UBR4: variants seen among roughly 807,000 people sequenced by gnomAD.
UBR4 encodes ubiquitin protein ligase E3 component n-recognin 4.
A neutral mutation model predicts 575.6 loss-of-function variants in UBR4; 124 were observed. The ratio of observed to expected loss-of-function variants is 0.22; its 90% confidence interval spans 0.19 to 0.25. UBR4 has a LOEUF of 0.25. UBR4 is among the 10% of genes least tolerant of loss of function. The pLI is 1.00. For missense variants in UBR4, 4,818 were observed against 6,478.8 expected, an observed-to-expected ratio of 0.74 and a Z score of 8.80; for synonymous variants, 2,455 against 2,473.7, an observed-to-expected ratio of 0.99 and a Z score of 0.22.
chr1:19,207,181 T>C (rs570188847), intron 1 of UBR4, among the ~76,000 whole-genome samples: 2 of 152,140 alleles, frequency 1.3e-5, no homozygotes, highest in Non-Finnish European at 2.9e-5. Flanking sequence ...AACACAGAAC[T>C]AAAGTGGCAG....
At chr1:19,097,746 ACAAGGCCATTTAAAT>A (rs2078201817) in intron 90 of UBR4, among the ~76,000 whole-genome samples, 1 of 152,312 alleles carries the variant, frequency 6.6e-6, no homozygotes, top group East Asian at 1.9e-4. Flanking sequence ...CCCAGGACAA[ACAAGGCCATTTAAAT>A]CAAAGAGCTT....
chr1:19,187,111 A>C (rs991836327), intron 13 of UBR4, 53 bp downstream of exon 13: 78 of 1,330,058 alleles, frequency 5.9e-5, no homozygotes, highest in Non-Finnish European at 7.8e-5. Flanking sequence ...TATATATCAT[A>C]TATATAAAAT....
intron 60 of UBR4, among the ~76,000 whole-genome samples, chr1:19,136,738 A>T (rs1371083655): frequency 2.6e-5 from 4 of 152,214 alleles, no homozygotes; most frequent in African/African-American, 7.2e-5. Flanking sequence ...TAAATTTTTT[A>T]AAAAATCATA....
At chr1:19,151,124 A>T (rs2085634034) in intron 48 of UBR4, 1 of 388,174 alleles carries the variant, frequency 2.6e-6, no homozygotes, top group African/African-American at 2.0e-5. Flanking sequence ...CAAAGTACAG[A>T]TCATGATCAT....
intron 71 of UBR4, 92 bp downstream of exon 71, chr1:19,118,780 G>C: frequency 7.5e-7 from 1 of 1,328,024 alleles, no homozygotes; most frequent in Non-Finnish European, 1.1e-6. Context: ...TCAGGCGCTT[G>C]TCAATTCCTA....
Position 19,141,703 on chromosome 1 carries a change from T to C in UBR4, c.8254A>G (p.Ile2752Val), listed in dbSNP as rs1055550391. 1 of 1,614,134 alleles carries C rather than the reference T, an allele frequency of 6.2e-7. No homozygotes were observed. Among genetic ancestry groups the C allele is most frequent in the African/African-American group, 1.3e-5 (1 of 74,952 alleles). ...CTCTGTTCCTGGCTTTCCTGACGGATGTGACCACCATTCGGGATCCCTGAT... is the reference window on the plus strand; with the variant it reads ...CTCTGTTCCTGGCTTTCCTGACGGACGTGACCACCATTCGGGATCCCTGAT... ...QSSGIPNGGH[I>V]RQESQEQSEV... Residue 2752 changes from isoleucine (I) to valine (V), a missense_variant, in exon 56 of 106, where the codon ATC becomes GTC. Physicochemically the swap from Ile to Val is conservative, Grantham distance 29. Transcript: ENST00000375254.
At position 19,093,572 on chromosome 1, in the gene UBR4, C is replaced by A; in HGVS notation, c.13938-86G>T. The A allele has an allele frequency of 1.4e-6, 2 of 1,425,906 alleles. No homozygotes were observed. The highest frequency in any genetic ancestry group is 2.0e-5 in the Admixed American group (1 of 50,856). 88.3% of individuals were successfully genotyped at this position (1,425,906 alleles called of 1,614,324 possible). On this transcript the variant is annotated intron_variant, in intron 95 of 105. Transcript: ENST00000375254. This position sits in a 1 kb window ranked among gnomAD's most constrained non-coding sequence, Gnocchi z 4.8. The stretch of plus-strand genomic sequence containing the variant: ...CCTCTTGGTTAACAACTGTCAACAG[C>A]CTATAGAAGATCAAGGCTAAATTCC...
chr1:19,179,177 C>T lies in UBR4; in HGVS notation c.2228G>A (p.Gly743Asp). Residue 743 changes from glycine (G) to aspartate (D), a missense_variant, in exon 18 of 106, where the codon GGC becomes GAC. Physicochemically the swap from Gly to Asp is moderately conservative, Grantham distance 94 (BLOSUM62 -1). Coordinates refer to ENST00000375254, the MANE Select transcript of UBR4 (RefSeq NM_020765.3). The part of the protein sequence containing the change: ...QQLGVAPFSE[G>D]PWPLYIHPQS... ...AGGGTGAATGTACAAGGGCCAAGGG[C>T]CCTCAGAAAAAGGAGCCACTCCTAG... The T allele has an allele frequency of 6.3e-7, 1 of 1,591,556 alleles. No individual in the cohort carries two copies. The highest frequency in any genetic ancestry group is 8.5e-7 in the Non-Finnish European group (1 of 1,174,392).
In UBR4 at chr1:19,074,905, C is replaced by T. The variant is rs752795933; in HGVS notation, c.15488-9G>A. The T allele has an allele frequency of 1.7e-5, 27 of 1,613,736 alleles. No individual in the cohort carries two copies. The highest frequency in any genetic ancestry group is 2.2e-5 in the Non-Finnish European group (26 of 1,179,944). On this transcript the variant is annotated splice_polypyrimidine_tract_variant and intron_variant, in intron 105 of 105. Transcript: ENST00000375254. Reference sequence around the variant, plus strand: ...GATTTCTGATAAAAGACCTGCAAAGCACAACGGGCAGAGGTGTGTCAGGAG... The same window carrying T: ...GATTTCTGATAAAAGACCTGCAAAGTACAACGGGCAGAGGTGTGTCAGGAG...
intron 102 of UBR4, among the ~76,000 whole-genome samples, chr1:19,083,992 T>C (rs1047762296): frequency 1.3e-5 from 2 of 152,206 alleles, no homozygotes; most frequent in Non-Finnish European, 2.9e-5. Context: ...CATTACCCAC[T>C]GTAGAGAAAA....
At chr1:19,147,771 T>C (rs898977290) in intron 51 of UBR4, among the ~76,000 whole-genome samples, 5 of 152,076 alleles carry the variant, frequency 3.3e-5, no homozygotes, top group Non-Finnish European at 1.5e-5. Flanking sequence ...CCTGTTAGAG[T>C]GACAGAAAAA....
Position 19,198,545 on chromosome 1 carries a change from G to A in UBR4, c.644C>T (p.Thr215Ile). The change falls in exon 5 of 106, where the codon ACT (threonine) becomes ATT (isoleucine). Residue 215 changes from threonine to isoleucine, a missense_variant. Physicochemically the swap from Thr to Ile is moderately conservative, Grantham distance 89. Coordinates refer to ENST00000375254, the MANE Select transcript of UBR4 (RefSeq NM_020765.3). ...TVASQPISTQ[T>I]LVEGENDEQS... ...CATTTGACTAAAGAAACTCACCAGA[G>A]TCTGTGTACTGATAGGTTGTGATGC... 1 of 1,613,724 alleles carries A rather than the reference G, an allele frequency of 6.2e-7. No homozygotes were observed. The highest frequency in any genetic ancestry group is 8.5e-7 in the Non-Finnish European group (1 of 1,179,784).
At chr1:19,146,087 A>G (rs1189159380) in intron 52 of UBR4, 154 bp from the exon 53 acceptor site, 2 of 1,554,736 alleles carry the variant, frequency 1.3e-6, no homozygotes, top group Non-Finnish European at 1.7e-6. Context: ...TCCAGCAGGC[A>G]CATCTAGGAA....
intron 64 of UBR4, among the ~76,000 whole-genome samples, chr1:19,125,867 T>C (rs1401574111): frequency 6.6e-6 from 1 of 152,206 alleles, no homozygotes; most frequent in Non-Finnish European, 1.5e-5. Flanking sequence ...TGATACATGC[T>C]AGGCATTGTG....
rs377762369 is a variant in UBR4 at position 19,184,225 on chromosome 1, G to A, written c.1939-50C>T. 102 of 1,578,444 alleles carry A rather than the reference G, an allele frequency of 6.5e-5. No homozygotes were observed. The African/African-American group carries it at 1.2e-3, about 18-fold the overall frequency. ...CTCTTATCAGGGTCATAAGCCCAGC[G>A]TTCCTATAAACTCTGATTACAAATA... On this transcript the variant is annotated intron_variant, in intron 15 of 105. Transcript: ENST00000375254.
Position 19,124,675 on chromosome 1 carries a change from C to T in UBR4, c.9454G>A (p.Val3152Met). 2 of 1,613,518 alleles carry T rather than the reference C, an allele frequency of 1.2e-6. No homozygotes were observed. Among genetic ancestry groups the T allele is most frequent in the Non-Finnish European group, 1.7e-6 (2 of 1,179,714 alleles). Residue 3152 changes from valine to methionine, a missense_variant, in exon 65 of 106, where the codon GTG (valine) becomes ATG (methionine). Physicochemically the swap from Val to Met is conservative, Grantham distance 21. Coordinates refer to ENST00000375254, the MANE Select transcript of UBR4 (RefSeq NM_020765.3). ...RQYVKGHAAD[V>M]FEAYTQLLTE... is the part of the protein sequence containing the mutation. ...AGAAGCTGAGTATAGGCCTCAAACA[C>T]ATCAGCAGCATGACCCTGGGAGAAG...
intron 33 of UBR4, 35 bp downstream of exon 33, chr1:19,164,218 T>C (rs751815646): frequency 6.3e-7 from 1 of 1,587,746 alleles, no homozygotes; most frequent in African/African-American, 1.3e-5. Context: ...TCAAGATCAA[T>C]GTTGTAACCT....
intron 63 of UBR4, among the ~76,000 whole-genome samples, chr1:19,126,979 G>A (rs1283478790): frequency 6.6e-6 from 1 of 152,062 alleles, no homozygotes; most frequent in African/African-American, 2.4e-5. Flanking sequence ...CTTTTATCTT[G>A]AGCAACTAGA....
Position 19,169,636 on chromosome 1 carries a change from G to A in UBR4, c.3644-104C>T, listed in dbSNP as rs1218240783. ...TGCAGAAAGAAACAGTACAGCCCAG[G>A]CTGTCAAAATAATTAGTAAGATAGC... On this transcript the variant is annotated intron_variant, in intron 26 of 105. Coordinates refer to ENST00000375254, the MANE Select transcript of UBR4 (RefSeq NM_020765.3). 7.1e-5 allele frequency: 60 copies of A among 846,612 alleles called. No individual in the cohort carries two copies. In the East Asian group the frequency reaches 1.6e-3, roughly 23 times the overall value. The allele number at this position is 846,612 out of a possible 1,614,324, so 52.4% of individuals were successfully genotyped here. A position where few individuals can be genotyped will look rare whatever the true frequency, so the allele number is the denominator to read the frequency against.
Sources: allele counts gnomAD v4.1 joint callset (sites outside exome capture counted in the v4.1 genomes callset), GRCh38; gene constraint gnomAD v4.1.1; non-coding constraint Gnocchi (gnomAD v3.1); transcripts MANE v1.5; gene names NCBI Gene and HGNC (gene_info 2026-07-23, HGNC 2026-07-21).